Variants in FLRT1 observed in about 807,000 individuals in gnomAD.
The protein encoded by FLRT1 is fibronectin leucine rich transmembrane protein 1.
In FLRT1, 14 loss-of-function variants were observed where a neutral mutation model predicts 30.9. The observed-to-expected ratio is 0.45, with a 90% confidence interval of 0.30 to 0.71. FLRT1 has a LOEUF of 0.71. Ranked by LOEUF, FLRT1 falls within the 30% of genes least tolerant of loss-of-function variation. FLRT1 has a pLI of 0.08. For synonymous variants in FLRT1, 368 were observed against 430.4 expected (o/e 0.85, Z 1.80); for missense variants, 737 against 949.2 (o/e 0.78, Z 2.94).
chr11:64,114,537 A>G lies in FLRT1; in HGVS notation c.-49-1682A>G, dbSNP rs1432693534. On this transcript the variant is annotated intron_variant, in intron 2 of 2. Coordinates refer to ENST00000682287, the MANE Select transcript of FLRT1 (RefSeq NM_013280.5). Reference sequence around the variant, plus strand: ...GATGGATGGATGGACAGGTGGATGTATGGATTGATGCATGGATGGATGGAT... The same window carrying G: ...GATGGATGGATGGACAGGTGGATGTGTGGATTGATGCATGGATGGATGGAT... Among the ~76,000 whole-genome samples the G allele has an allele frequency of 2.7e-5, 3 of 112,862 alleles. No individual in the cohort carries two copies. In the Admixed American group the frequency reaches 2.8e-4, roughly 10 times the overall value. The allele number at this position is 112,862 out of a possible 152,430, so 74.0% of individuals were successfully genotyped here.
At chr11:64,058,449 T>A in intron 1 of FLRT1, among the ~76,000 whole-genome samples, 1 of 152,234 alleles carries the variant, frequency 6.6e-6, no homozygotes, top group East Asian at 1.9e-4. Context: ...AGGGGGCACC[T>A]GTAGCTGCCA....
chr11:64,118,451 T>C lies in FLRT1; in HGVS notation c.*159T>C. 2 of 818,454 alleles carry C rather than the reference T, an allele frequency of 2.4e-6. No individual in the cohort carries two copies. The highest frequency in any genetic ancestry group is 3.6e-6 in the Non-Finnish European group (2 of 558,800). The allele number at this position is 818,454 out of a possible 1,614,324, so 50.7% of individuals were successfully genotyped here. A position where few individuals can be genotyped will look rare whatever the true frequency, so the allele number is the denominator to read the frequency against. ...AGTTTGGGGAGGGCTGACGATTTTG[T>C]AGAACACAACAGTGACAATTTTTTT... On this transcript the variant is annotated 3_prime_UTR_variant, in exon 3 of 3. Transcript: ENST00000682287.
At chr11:64,054,929 TG>T (rs1267296293) in intron 1 of FLRT1, among the ~76,000 whole-genome samples, 1 of 152,188 alleles carries the variant, frequency 6.6e-6, no homozygotes, top group Non-Finnish European at 1.5e-5. Flanking sequence ...CTTTCTCCCC[TG>T]CTCTTCACCG....
chr11:64,088,750 C>T (rs894663774), intron 1 of FLRT1, among the ~76,000 whole-genome samples: 4 of 152,076 alleles, frequency 2.6e-5, no homozygotes, highest in African/African-American at 9.7e-5. Flanking sequence ...ACTAAGAGCA[C>T]GAGATGAACG....
At chr11:64,093,878 G>T (rs893937438) in intron 1 of FLRT1, among the ~76,000 whole-genome samples, 6 of 152,378 alleles carry the variant, frequency 3.9e-5, no homozygotes, top group African/African-American at 1.4e-4. Context: ...AGCCTGTGCA[G>T]CAACCAGAAG....
chr11:64,081,554 A>C (rs1255728425), intron 1 of FLRT1: 1 of 152,396 alleles, frequency 6.6e-6, no homozygotes, highest in Non-Finnish European at 1.5e-5. Context: ...CGCAAACCAC[A>C]CATATCATGG....
intron 1 of FLRT1, among the ~76,000 whole-genome samples, chr11:64,098,037 TC>T (rs997221167): frequency 2.6e-5 from 4 of 152,066 alleles, no homozygotes; most frequent in Admixed American, 6.5e-5. Flanking sequence ...CTGTATGAGG[TC>T]CCTACCCCAT....
intron 2 of FLRT1, among the ~76,000 whole-genome samples, chr11:64,105,803 CGGGG>C (rs1944752801): frequency 6.6e-6 from 1 of 152,144 alleles, no homozygotes; most frequent in Non-Finnish European, 1.5e-5. Flanking sequence ...AGGAGGTGGG[CGGGG>C]AGGCTGCCCA....
intron 1 of FLRT1, among the ~76,000 whole-genome samples, chr11:64,055,485 C>G (rs538639229): frequency 6.6e-6 from 1 of 152,162 alleles, no homozygotes; most frequent in East Asian, 1.9e-4. Context: ...TGTCCCCATC[C>G]TAAGTGGCTC....
chr11:64,065,800 A>G (rs1232991258), intron 1 of FLRT1, among the ~76,000 whole-genome samples: 1 of 151,194 alleles, frequency 6.6e-6, no homozygotes, highest in East Asian at 1.9e-4. Flanking sequence ...AAAAAAAAAA[A>G]AAAAAAAAAA....
At position 64,116,835 on chromosome 11, in the gene FLRT1, A is replaced by T; in HGVS notation, c.568A>T (p.Ser190Cys). 1 of 1,612,996 alleles carries T rather than the reference A, an allele frequency of 6.2e-7. No homozygotes were observed. Among genetic ancestry groups the T allele is most frequent in the Non-Finnish European group, 8.5e-7 (1 of 1,179,960 alleles). Residue 190 changes from serine to cysteine, a missense_variant, in exon 3 of 3, where the codon AGC becomes TGC. Ser to Cys is a moderately radical substitution (Grantham distance 112, BLOSUM62 -1). Transcript: ENST00000682287. ...GCTCTTCCTGAGCCGGAACCACCTGAGCAGCATCCCCTCGGGGCTGCCGCA... is the reference window on the plus strand; with the variant it reads ...GCTCTTCCTGAGCCGGAACCACCTGTGCAGCATCCCCTCGGGGCTGCCGCA... ...KLLFLSRNHL[S>C]SIPSGLPHTL...
At chr11:64,058,694 A>G (rs1943839210) in intron 1 of FLRT1, among the ~76,000 whole-genome samples, 1 of 152,202 alleles carries the variant, frequency 6.6e-6, no homozygotes, top group Non-Finnish European at 1.5e-5. Context: ...GCAACCGCTC[A>G]TTTCCTGCTC....
intron 1 of FLRT1, among the ~76,000 whole-genome samples, chr11:64,083,644 G>T (rs147930172): frequency 3.9e-5 from 6 of 152,202 alleles, no homozygotes; most frequent in Non-Finnish European, 7.3e-5. Flanking sequence ...ATGAGAGGCC[G>T]CAGTGAGATG....
At chr11:64,088,976 G>A (rs577772386) in intron 1 of FLRT1, among the ~76,000 whole-genome samples, 2 of 152,296 alleles carry the variant, frequency 1.3e-5, no homozygotes, top group South Asian at 4.1e-4. Flanking sequence ...AGGAGGCAGA[G>A]GTTACCAGAC....
At chr11:64,115,542 T>C (rs183550443) in intron 2 of FLRT1, among the ~76,000 whole-genome samples, 10 of 152,356 alleles carry the variant, frequency 6.6e-5, no homozygotes, top group African/African-American at 2.2e-4. Context: ...ACCTCATTCT[T>C]CTGTCTGTAG....
chr11:64,070,501 G>A (rs1264011916), intron 1 of FLRT1, among the ~76,000 whole-genome samples: 19 of 152,224 alleles, frequency 1.2e-4, no homozygotes, highest in Non-Finnish European at 1.5e-5. Context: ...CCTCCTTGCA[G>A]GAATGCAGGC....
chr11:64,062,419 C>T (rs1362392780), intron 1 of FLRT1, among the ~76,000 whole-genome samples: 2 of 152,200 alleles, frequency 1.3e-5, no homozygotes, highest in Non-Finnish European at 2.9e-5. Context: ...TCTGCCCACA[C>T]CCTGGAACCA....
chr11:64,118,428 TTTGGGGAGGG>T lies in FLRT1; in HGVS notation c.*137_*146del. ...TGACTTTCCTCCGCAGAAAGCAAAGTTTGGGGAGGGCTGACGATTTTGTAGAACACAACAG... is the reference window on the plus strand; with the variant it reads ...TGACTTTCCTCCGCAGAAAGCAAAGTCTGACGATTTTGTAGAACACAACAG... On this transcript the variant is annotated 3_prime_UTR_variant, in exon 3 of 3. Transcript: ENST00000682287. 8.9e-7 allele frequency: 1 copy of T among 1,128,644 alleles called. No homozygotes were observed. The highest frequency in any genetic ancestry group is 1.2e-6 in the Non-Finnish European group (1 of 838,504). The allele number at this position is 1,128,644 out of a possible 1,614,324, so 69.9% of individuals were successfully genotyped here.
intron 2 of FLRT1, among the ~76,000 whole-genome samples, chr11:64,107,345 A>G (rs1211308038): frequency 8.6e-6 from 1 of 115,782 alleles, no homozygotes; most frequent in Non-Finnish European, 1.8e-5. Flanking sequence ...TCATCCCCCC[A>G]CCCCCTCCTG....
Sources: allele counts gnomAD v4.1 joint callset (sites outside exome capture counted in the v4.1 genomes callset), GRCh38; gene constraint gnomAD v4.1.1; transcripts MANE v1.5; gene names NCBI Gene and HGNC (gene_info 2026-07-23, HGNC 2026-07-21).